Variants in HORMAD2 observed in about 807,000 individuals in gnomAD.
HORMAD2 encodes HORMA domain-containing protein 2.
In HORMAD2, 45 loss-of-function variants were observed where a neutral mutation model predicts 38.8. The ratio of observed to expected loss-of-function variants is 1.16; its 90% CI spans 0.91 to 1.49. The LOEUF (loss-of-function observed/expected upper bound fraction) is 1.49. Ranked by LOEUF, HORMAD2 falls within the 40% of genes most tolerant of loss-of-function variation. The pLI is 0.00. For missense variants in HORMAD2, 338 were observed against 367.0 expected, an observed-to-expected ratio of 0.92 and a Z score of 0.65; for synonymous variants, 126 against 122.8, an observed-to-expected ratio of 1.03 and a Z score of -0.17.
At chr22:30,188,595 C>G in the HORMAD2 span, among the ~76,000 whole-genome samples, 1 of 152,200 alleles carries the variant, frequency 6.6e-6, no homozygotes, top group African/African-American at 2.4e-5. Context: ...TTTCATGCAA[C>G]TGAGTTGTTC....
chr22:30,201,509 C>T, the HORMAD2 span, among the ~76,000 whole-genome samples: 3 of 150,622 alleles, frequency 2.0e-5, no homozygotes, highest in Non-Finnish European at 4.4e-5. Context: ...CTCCGCCCCG[C>T]GGGGTTCACG....
chr22:30,171,241 T>C (rs905108032), intron 10 of HORMAD2, among the ~76,000 whole-genome samples: 3 of 152,142 alleles, frequency 2.0e-5, no homozygotes, highest in Non-Finnish European at 4.4e-5. Context: ...CAAATTTACA[T>C]CTCCAACCCA....
chr22:30,118,241 C>T (rs970304509), intron 7 of HORMAD2, among the ~76,000 whole-genome samples: 5 of 152,162 alleles, frequency 3.3e-5, no homozygotes, highest in South Asian at 2.1e-4. Flanking sequence ...TTCTCCCCCT[C>T]GCTCACTGGT....
At chr22:30,166,312 C>T (rs1389498777) in intron 10 of HORMAD2, among the ~76,000 whole-genome samples, 2 of 152,134 alleles carry the variant, frequency 1.3e-5, no homozygotes, top group Non-Finnish European at 2.9e-5. Context: ...TGTAGAATAG[C>T]TCTGTCCAAT....
upstream of HORMAD2, among the ~76,000 whole-genome samples, chr22:30,078,562 C>T (rs1435750909): frequency 7.3e-6 from 1 of 136,432 alleles, no homozygotes; most frequent in South Asian, 2.3e-4. Flanking sequence ...GCCAATATCA[C>T]GCCACTGCAC....
At chr22:30,193,890 CT>C in the HORMAD2 span, among the ~76,000 whole-genome samples, 1 of 152,192 alleles carries the variant, frequency 6.6e-6, no homozygotes, top group Non-Finnish European at 1.5e-5. Flanking sequence ...TGAACCCCCC[CT>C]ACCCTTCACA....
At chr22:30,184,417 T>C in the HORMAD2 span, among the ~76,000 whole-genome samples, 18 of 152,216 alleles carry the variant, frequency 1.2e-4, no homozygotes, top group Non-Finnish European at 2.2e-4. Context: ...AATGAAACTT[T>C]TCACTCACTG....
At position 30,125,056 on chromosome 22, in the gene HORMAD2, A is replaced by T. The variant is rs1056770222; in HGVS notation, c.819+2842A>T. 5.9e-5 allele frequency among the ~76,000 whole-genome samples: 9 copies of T among 152,002 alleles called. No individual in the cohort carries two copies. In the South Asian group the frequency reaches 1.9e-3, roughly 32 times the overall value. ...TTGGCCATCCTATTTTGCTCATATT[A>T]AATAGCTGTTCATGTCTTTCATGCA... On this transcript the variant is annotated intron_variant, in intron 10 of 10. Coordinates refer to ENST00000336726, the MANE Select transcript of HORMAD2 (RefSeq NM_152510.4).
At chr22:30,146,229 A>G (rs1365498437) in intron 10 of HORMAD2, among the ~76,000 whole-genome samples, 1 of 152,222 alleles carries the variant, frequency 6.6e-6, no homozygotes, top group East Asian at 1.9e-4. Flanking sequence ...GCAGTGGCTC[A>G]TGCCTGTAAT....
At chr22:30,128,182 G>C (rs919817639) in intron 10 of HORMAD2, among the ~76,000 whole-genome samples, 1 of 152,074 alleles carries the variant, frequency 6.6e-6, no homozygotes, top group Non-Finnish European at 1.5e-5. Flanking sequence ...ATAGAAGGAA[G>C]AATTTTCTCT....
chr22:30,181,478 G>C (rs953231998), downstream of HORMAD2, among the ~76,000 whole-genome samples: 3 of 152,120 alleles, frequency 2.0e-5, no homozygotes, highest in Admixed American at 6.5e-5. Context: ...AGTTCAATGG[G>C]AGAGAAGCAT....
intron 10 of HORMAD2, among the ~76,000 whole-genome samples, chr22:30,143,517 G>T (rs1924222692): frequency 6.6e-6 from 1 of 151,990 alleles, no homozygotes; most frequent in South Asian, 2.1e-4. Flanking sequence ...GGCCCCCATT[G>T]TTCCTGCTGA....
chr22:30,147,794 T>A (rs1735684038), intron 10 of HORMAD2, among the ~76,000 whole-genome samples: 1 of 152,158 alleles, frequency 6.6e-6, no homozygotes, highest in African/African-American at 2.4e-5. Flanking sequence ...TATCAAGAAT[T>A]TGAAGACATA....
At chr22:30,139,449 GT>G (rs900757677) in intron 10 of HORMAD2, among the ~76,000 whole-genome samples, 4 of 150,360 alleles carry the variant, frequency 2.7e-5, no homozygotes, top group Admixed American at 6.6e-5. Flanking sequence ...AGTTCTAATA[GT>G]TTTTTTTAGA....
chr22:30,088,126 T>TGTACATATATACAC (rs2068611230), intron 1 of HORMAD2, among the ~76,000 whole-genome samples: 1 of 129,108 alleles, frequency 7.7e-6, no homozygotes, highest in Non-Finnish European at 1.8e-5. Context: ...TACACACACG[T>TGTACATATATACAC]ACACATGTGT....
chr22:30,128,837 T>C (rs1194903754), intron 10 of HORMAD2, among the ~76,000 whole-genome samples: 1 of 152,172 alleles, frequency 6.6e-6, no homozygotes, highest in African/African-American at 2.4e-5. Context: ...AATCATGATT[T>C]AGAGGGAAGG....
intron 10 of HORMAD2, among the ~76,000 whole-genome samples, chr22:30,140,094 G>A (rs562230164): frequency 2.6e-5 from 4 of 151,846 alleles, no homozygotes; most frequent in South Asian, 2.1e-4. Context: ...GGTAACACTG[G>A]CTTCATAAAA....
At chr22:30,088,210 TATATACAC>T (rs1258686373) in intron 1 of HORMAD2, among the ~76,000 whole-genome samples, 2 of 150,234 alleles carry the variant, frequency 1.3e-5, no homozygotes, top group East Asian at 1.9e-4. Context: ...CATATATACA[TATATACAC>T]ATATATACAT....
chr22:30,176,224 C>G lies in HORMAD2; in HGVS notation c.*57C>G. ...AATAAGTTTATTTTGTAAAAACATG[C>G]ATAAACTGTCTTAGCAGGAAAGTAC... On this transcript the variant is annotated 3_prime_UTR_variant, in exon 11 of 11. Coordinates refer to ENST00000336726, the MANE Select transcript of HORMAD2 (RefSeq NM_152510.4). 1 of 1,154,182 alleles carries G rather than the reference C, an allele frequency of 8.7e-7. No homozygotes were observed. The highest frequency in any genetic ancestry group is 1.3e-6 in the Non-Finnish European group (1 of 789,696). 71.5% of individuals were successfully genotyped at this position (1,154,182 alleles called of 1,614,324 possible). A position where few individuals can be genotyped will look rare whatever the true frequency, so the allele number is the denominator to read the frequency against.
Sources: gnomAD v4.1 joint callset for allele counts (sites outside exome capture counted in the v4.1 genomes callset) on GRCh38, gnomAD v4.1.1 for gene constraint, MANE v1.5 for transcripts, NCBI Gene and HGNC (gene_info 2026-07-23, HGNC 2026-07-21) for gene names.